Variants in SLC25A29 observed in about 807,000 individuals in gnomAD.
SLC25A29 encodes solute carrier family 25 member 29.
Under a neutral mutation model 10.0 loss-of-function variants are expected in SLC25A29, and 13 were observed. That is an observed-to-expected ratio of 1.30 (90% CI 0.85 to 2.07). The LOEUF (loss-of-function observed/expected upper bound fraction) is 2.07. SLC25A29 is among the 30% of genes most tolerant of loss of function. The pLI is 0.00. For synonymous variants in SLC25A29, 244 were observed against 221.1 expected (o/e 1.10, Z -0.92); for missense variants, 475 against 447.6 (o/e 1.06, Z -0.55).
At chr14:100,285,930 G>A in the SLC25A29 span, among the ~76,000 whole-genome samples, 1 of 152,144 alleles carries the variant, frequency 6.6e-6, no homozygotes, top group African/African-American at 2.4e-5. Context: ...CCGGCCCAAA[G>A]GGACGTCCTG....
chr14:100,300,029 G>C (rs1271804431), intron 1 of SLC25A29: 2 of 930,716 alleles, frequency 2.1e-6, no homozygotes, highest in Non-Finnish European at 2.6e-6. Context: ...CCAGCACTTT[G>C]GGAGGCCAAG....
chr14:100,299,840 A>G, intron 1 of SLC25A29: 1 of 985,416 alleles, frequency 1.0e-6, no homozygotes, highest in Non-Finnish European at 1.2e-6. Flanking sequence ...TGTATAATTA[A>G]AACAGCTGGC....
At chr14:100,305,437 A>G (rs1170808935) in intron 1 of SLC25A29, 1 of 152,010 alleles carries the variant, frequency 6.6e-6, no homozygotes, top group African/African-American at 2.4e-5. Context: ...GAATAAATTA[A>G]CCCTCAAGGT....
At chr14:100,290,849 CCT>C (rs987917333), downstream of SLC25A29, among the ~76,000 whole-genome samples, 8 of 152,202 alleles carry the variant, frequency 5.3e-5, no homozygotes, top group African/African-American at 9.6e-5. Flanking sequence ...TCACCACAGG[CCT>C]CTCTCTCTCA....
chr14:100,295,701 G>C (rs1892096058), intron 2 of SLC25A29: 1 of 1,289,390 alleles, frequency 7.8e-7, no homozygotes. Context: ...ACAGCCCCTA[G>C]CTCAGAAAGT....
downstream of SLC25A29, among the ~76,000 whole-genome samples, chr14:100,289,545 A>G (rs1345702388): frequency 6.6e-6 from 1 of 152,110 alleles, no homozygotes; most frequent in Non-Finnish European, 1.5e-5. Flanking sequence ...CTTATTCCAA[A>G]TCAATTGAAA....
the SLC25A29 span, chr14:100,281,486 T>C: frequency 1.4e-4 from 22 of 152,288 alleles, no homozygotes; most frequent in Admixed American, 1.1e-3. Context: ...CTGACAGTAA[T>C]GTGAGCGCAG....
At chr14:100,293,217 TG>T in intron 3 of SLC25A29, 76 bp downstream of exon 3, 1 of 1,536,558 alleles carries the variant, frequency 6.5e-7, no homozygotes, top group Non-Finnish European at 8.9e-7. Context: ...CCTGGCTCTC[TG>T]GTCTGGGGTG....
In SLC25A29 at chr14:100,292,595, G is replaced by A. The variant is rs1332157518; in HGVS notation, c.600C>T (p.Gly200=). The A allele has an allele frequency of 6.9e-6, 11 of 1,604,206 alleles. No homozygotes were observed. The East Asian group carries it at 1.1e-4, about 16-fold the overall frequency. ...GATAGGTAGAGAGCCAGGACACGAT[G>A]CCTGACGTACCGCCCGCCAACAGCA... ...PKLLLAGGTS[G]IVSWLSTYPV... is the part of the protein sequence containing the mutation. Residue 200 remains glycine (G), a synonymous_variant, in exon 4 of 4, where the codon GGC becomes GGT. Transcript: ENST00000359232.
intron 1 of SLC25A29, among the ~76,000 whole-genome samples, chr14:100,302,422 C>T (rs1169793144): frequency 3.3e-5 from 5 of 150,470 alleles, no homozygotes; most frequent in East Asian, 3.9e-4. Flanking sequence ...TGCAATGGCG[C>T]GATCTCGGCT....
Position 100,292,255 on chromosome 14 carries a change from G to T in SLC25A29, c.*28C>A. On this transcript the variant is annotated 3_prime_UTR_variant, in exon 4 of 4. Transcript: ENST00000359232. ...TTATGTCCCAGGTTTCTGAGAAGGA[G>T]CCCTGGGGAAGGAGGGCGGGGTGAG... 1 of 1,532,146 alleles carries T rather than the reference G, an allele frequency of 6.5e-7. No individual in the cohort carries two copies. Among genetic ancestry groups the T allele is most frequent in the Non-Finnish European group, 8.8e-7 (1 of 1,140,764 alleles). The allele number at this position is 1,532,146 out of a possible 1,614,324, so 94.9% of individuals were successfully genotyped here. A position where few individuals can be genotyped will look rare whatever the true frequency, so the allele number is the denominator to read the frequency against.
rs955129733 is a variant in SLC25A29 at position 100,291,939 on chromosome 14, T to C, written c.*344A>G. 1.5e-5 allele frequency: 5 copies of C among 335,564 alleles called. No homozygotes were observed. The highest frequency in any genetic ancestry group is 9.9e-4 in the Middle Eastern group (1 of 1,014). 20.8% of individuals were successfully genotyped at this position (335,564 alleles called of 1,614,324 possible). A position where few individuals can be genotyped will look rare whatever the true frequency, so the allele number is the denominator to read the frequency against. ...GCCAGCCTGCAGGGCAGGAGCACAA[T>C]GACGTGGCCAGGATCCCAGAAAGGG... On this transcript the variant is annotated 3_prime_UTR_variant, in exon 4 of 4. Coordinates refer to ENST00000359232, the MANE Select transcript of SLC25A29 (RefSeq NM_001039355.3).
chr14:100,280,494 C>T, the SLC25A29 span: 2 of 152,028 alleles, frequency 1.3e-5, no homozygotes, highest in East Asian at 1.9e-4. Flanking sequence ...AGAACTGTCA[C>T]CCCAGAGTGA....
intron 1 of SLC25A29, among the ~76,000 whole-genome samples, chr14:100,304,625 A>T (rs766564411): frequency 1.8e-4 from 27 of 151,910 alleles, no homozygotes; most frequent in Non-Finnish European, 3.5e-4. Flanking sequence ...CCAGTCCTTG[A>T]CCCACAAACC....
the SLC25A29 span, among the ~76,000 whole-genome samples, chr14:100,284,832 G>T: frequency 6.6e-6 from 1 of 152,162 alleles, no homozygotes; most frequent in African/African-American, 2.4e-5. Context: ...CTGAGGTCGG[G>T]AGTTTGAGAC....
Position 100,292,602 on chromosome 14 carries a change from G to A in SLC25A29, c.593C>T (p.Thr198Met). Residue 198 changes from threonine (T) to methionine (M), a missense_variant, in exon 4 of 4, where the codon ACG becomes ATG. Physicochemically the swap from Thr to Met is moderately conservative, Grantham distance 81. Coordinates refer to ENST00000359232, the MANE Select transcript of SLC25A29 (RefSeq NM_001039355.3). Reference sequence around the variant, plus strand: ...AGAGAGCCAGGACACGATGCCTGACGTACCGCCCGCCAACAGCAGCTTGGG... The same window carrying A: ...AGAGAGCCAGGACACGATGCCTGACATACCGCCCGCCAACAGCAGCTTGGG... ...LVPKLLLAGG[T>M]SGIVSWLSTY... 3 of 1,604,702 alleles carry A rather than the reference G, an allele frequency of 1.9e-6. No homozygotes were observed. Among genetic ancestry groups the A allele is most frequent in the East Asian group, 2.2e-5 (1 of 44,454 alleles).
chr14:100,296,403 A>G (rs7143776), intron 2 of SLC25A29: 134,311 of 195,920 alleles, frequency 0.69, 46,627 homozygotes, highest in East Asian at 0.75. Flanking sequence ...CACTCCACCT[A>G]GGGTGACAGA....
chr14:100,304,265 A>C (rs1027755679), intron 1 of SLC25A29, among the ~76,000 whole-genome samples: 1 of 152,134 alleles, frequency 6.6e-6, no homozygotes, highest in African/African-American at 2.4e-5. Context: ...GTGTGACCCC[A>C]GCTGTGCCAG....
chr14:100,299,766 T>C (rs1260101003), intron 1 of SLC25A29: 4 of 985,426 alleles, frequency 4.1e-6, no homozygotes, highest in Non-Finnish European at 4.8e-6. Flanking sequence ...ACTCCCATGC[T>C]CCTCTCCCTG....
Sources: gnomAD v4.1 joint callset for allele counts (sites outside exome capture counted in the v4.1 genomes callset) on GRCh38, gnomAD v4.1.1 for gene constraint, MANE v1.5 for transcripts, NCBI Gene and HGNC (gene_info 2026-07-23, HGNC 2026-07-21) for gene names.